The following ADGB variants were observed in gnomAD, a reference collection of about 807,000 sequenced individuals.
The protein encoded by ADGB is calpain-7-like protein.
Under a neutral mutation model 210.5 loss-of-function variants are expected in ADGB, and 172 were observed. The observed-to-expected ratio is 0.82, with a 90% confidence interval of 0.72 to 0.93. ADGB has a LOEUF of 0.93. ADGB is among the 40% of genes least tolerant of loss of function. The pLI, the probability that ADGB is intolerant of heterozygous loss-of-function variation, is 0.00. For missense variants in ADGB, 2,025 were observed against 1,964.8 expected (o/e 1.03, Z -0.58); for synonymous variants, 658 against 662.7 (o/e 0.99, Z 0.11).
chr6:146,679,562 C>G (rs1299175566), intron 9 of ADGB, among the ~76,000 whole-genome samples: 1 of 152,156 alleles, frequency 6.6e-6, no homozygotes, highest in Non-Finnish European at 1.5e-5. Context: ...AGACCTTTTT[C>G]CTGGCATAAA....
Position 146,772,849 on chromosome 6 carries a change from T to C in ADGB, c.3862+3718T>C, listed in dbSNP as rs146783073. ...GAAGTGAGGGTAAAATAGTTTGTAT[T>C]ATACAAGAAAGTCTTGAAGGATACC... On this transcript the variant is annotated intron_variant, in intron 29 of 35. Coordinates refer to ENST00000397944, the MANE Select transcript of ADGB (RefSeq NM_024694.4). Among the ~76,000 whole-genome samples, 256 of 152,082 alleles carry C rather than the reference T, an allele frequency of 1.7e-3. 1 individual carries two copies. The highest frequency in any genetic ancestry group is 0.01 in the Middle Eastern group (3 of 292).
At chr6:146,813,203 C>T (rs1419883255) in intron 35 of ADGB, among the ~76,000 whole-genome samples, 1 of 152,162 alleles carries the variant, frequency 6.6e-6, no homozygotes, top group Non-Finnish European at 1.5e-5. Flanking sequence ...AATCTGAATC[C>T]GTGACCCTTT....
chr6:146,702,255 C>G (rs1005068834), intron 13 of ADGB, among the ~76,000 whole-genome samples: 2 of 151,866 alleles, frequency 1.3e-5, no homozygotes, highest in African/African-American at 2.4e-5. Context: ...TGTAGTAATA[C>G]CCACACCTGT....
intron 31 of ADGB, 56 bp downstream of exon 31, chr6:146,784,850 GA>G: frequency 6.8e-7 from 1 of 1,469,324 alleles, no homozygotes; most frequent in Non-Finnish European, 9.1e-7. Flanking sequence ...GGCATGCTCT[GA>G]AAAAAATAGT....
chr6:146,788,584 AG>A lies in ADGB; in HGVS notation c.4512del (p.Glu1504AspfsTer32), dbSNP rs1371747331. 7.1e-6 allele frequency: 11 copies of A among 1,551,680 alleles called. No homozygotes were observed. Among genetic ancestry groups the A allele is most frequent in the Non-Finnish European group, 9.6e-6 (11 of 1,146,962 alleles). On this transcript the variant is annotated frameshift_variant, in exon 33 of 36. Coordinates refer to ENST00000397944, the MANE Select transcript of ADGB (RefSeq NM_024694.4). LOFTEE classifies it high-confidence loss of function. ...TCTTCACCAGGGAAAGAAGAGCGCG[AG>A]CAGAGCACACGGAAGGAAAACATTC... ...GVSSPGKEER[E>X]QSTRKENIQT...
chr6:146,664,952 A>C (rs1775918775), intron 6 of ADGB, among the ~76,000 whole-genome samples: 2 of 152,144 alleles, frequency 1.3e-5, no homozygotes, highest in African/African-American at 4.8e-5. Flanking sequence ...CTCAGCTTAC[A>C]CTTCCAGAGA....
chr6:146,652,596 T>C (rs1291191377), intron 3 of ADGB, among the ~76,000 whole-genome samples: 9 of 152,156 alleles, frequency 5.9e-5, no homozygotes, highest in African/African-American at 2.2e-4. Context: ...ACAATTTGTA[T>C]TTCCCTATTA....
At chr6:146,609,549 A>G (rs901188041) in intron 1 of ADGB, among the ~76,000 whole-genome samples, 2 of 151,988 alleles carry the variant, frequency 1.3e-5, no homozygotes, top group Admixed American at 6.6e-5. Context: ...TATAGTGTCA[A>G]TATACTTCAG....
intron 26 of ADGB, among the ~76,000 whole-genome samples, chr6:146,747,742 AAT>A (rs1206441437): frequency 1.2e-4 from 18 of 151,160 alleles, no homozygotes; most frequent in African/African-American, 4.4e-4. Flanking sequence ...AATTTTTAAA[AAT>A]ATATATATGC....
intron 12 of ADGB, among the ~76,000 whole-genome samples, chr6:146,699,873 C>T (rs1256877658): frequency 6.6e-6 from 1 of 152,110 alleles, no homozygotes; most frequent in Non-Finnish European, 1.5e-5. Flanking sequence ...GTTTCATAAC[C>T]TAAATTCCCT....
intron 35 of ADGB, among the ~76,000 whole-genome samples, chr6:146,807,057 T>C (rs1165728061): frequency 6.6e-6 from 1 of 152,230 alleles, no homozygotes; most frequent in East Asian, 1.9e-4. Context: ...AGTAATTTCT[T>C]GAGCACAGTT....
chr6:146,746,170 A>C, intron 26 of ADGB, 61 bp downstream of exon 26: 4 of 1,233,982 alleles, frequency 3.2e-6, no homozygotes, highest in East Asian at 2.6e-5. Flanking sequence ...TTTTAGGATA[A>C]AAATAAATTC....
rs1386878574 is a variant in ADGB at position 146,724,230 on chromosome 6, G to A, written c.2140G>A (p.Ala714Thr). ...SPPIEPGLLT[A>T]ETFSWKSLKP... is the part of the protein sequence containing the mutation. ...TCCCATAGAGCCTGGACTTCTCACA[G>A]CTGAAACGTTTTCTTGGAAATCCCT... Residue 714 changes from alanine to threonine, a missense_variant, in exon 18 of 36, where the codon GCT becomes ACT. By Grantham distance (58) the Ala-to-Thr change is moderately conservative. Transcript: ENST00000397944. 2 of 1,550,976 alleles carry A rather than the reference G, an allele frequency of 1.3e-6. No individual in the cohort carries two copies. The highest frequency in any genetic ancestry group is 1.2e-5 in the South Asian group (1 of 83,876).
intron 24 of ADGB, 32 bp from the exon 25 acceptor site, chr6:146,741,086 T>C: frequency 4.1e-6 from 6 of 1,455,036 alleles, no homozygotes; most frequent in Non-Finnish European, 5.4e-6. Context: ...AGAATTCACA[T>C]CAAGGGAAAG....
intron 33 of ADGB, among the ~76,000 whole-genome samples, chr6:146,794,957 A>G (rs1175081300): frequency 6.6e-6 from 1 of 152,160 alleles, no homozygotes; most frequent in African/African-American, 2.4e-5. Flanking sequence ...CCTTGTCAAG[A>G]GTGGAAGCTT....
intron 19 of ADGB, among the ~76,000 whole-genome samples, chr6:146,726,822 A>C (rs1776902064): frequency 6.6e-6 from 1 of 152,184 alleles, no homozygotes; most frequent in African/African-American, 2.4e-5. Flanking sequence ...ATATCAGTGC[A>C]GTCCTTTTTA....
rs200232993 is a variant in ADGB at position 146,694,263 on chromosome 6, T to A, written c.1577+1348T>A. Among the ~76,000 whole-genome samples, 165 of 152,158 alleles carry A rather than the reference T, an allele frequency of 1.1e-3. 2 individuals are homozygous for A. The East Asian group carries it at 0.025, about 23-fold the overall frequency. ...CTTGTGGCTTGTAAATAACAAAAAA[T>A]TTATCTCTCATACTTCTAGAGGCTG... On this transcript the variant is annotated intron_variant, in intron 12 of 35. Coordinates refer to ENST00000397944, the MANE Select transcript of ADGB (RefSeq NM_024694.4).
chr6:146,681,027 C>T (rs368352375), intron 9 of ADGB, among the ~76,000 whole-genome samples: 6 of 152,266 alleles, frequency 3.9e-5, no homozygotes, highest in African/African-American at 1.4e-4. Context: ...CTGTTTATCA[C>T]TTCTGGTCTC....
intron 29 of ADGB, among the ~76,000 whole-genome samples, chr6:146,778,424 C>T (rs1227702780): frequency 2.0e-5 from 3 of 152,182 alleles, no homozygotes; most frequent in Non-Finnish European, 2.9e-5. Context: ...AAGGTGTCCT[C>T]TGTGGCCTTT....
Sources: gnomAD v4.1 joint callset for allele counts (sites outside exome capture counted in the v4.1 genomes callset) on GRCh38, gnomAD v4.1.1 for gene constraint, MANE v1.5 for transcripts, NCBI Gene and HGNC (gene_info 2026-07-23, HGNC 2026-07-21) for gene names.